The following WDR72 variants were observed in gnomAD, a reference collection of about 807,000 sequenced individuals.
WDR72 encodes the protein WD repeat domain 72.
In WDR72, 120 loss-of-function variants were observed where a neutral mutation model predicts 124.2. The ratio of observed to expected loss-of-function variants is 0.97; its 90% CI spans 0.83 to 1.12. WDR72 has a LOEUF of 1.12. WDR72 is among the 50% of genes most tolerant of loss of function. The probability of loss-of-function intolerance (pLI) is 0.00; values close to 1 mark genes in which losing one functional copy is unlikely to be tolerated. For missense variants in WDR72, 1,387 were observed against 1,278.8 expected (o/e 1.08, Z -1.29); for synonymous variants, 452 against 441.7 (o/e 1.02, Z -0.29).
At chr15:53,759,044 A>G (rs1478255549) in intron 1 of WDR72, among the ~76,000 whole-genome samples, 1 of 151,682 alleles carries the variant, frequency 6.6e-6, no homozygotes, top group Non-Finnish European at 1.5e-5. Context: ...TTTATTGCCG[A>G]CTCAGCCCAA....
chr15:53,680,542 G>A (rs751173582), intron 13 of WDR72, among the ~76,000 whole-genome samples: 3 of 152,146 alleles, frequency 2.0e-5, no homozygotes, highest in Non-Finnish European at 4.4e-5. Context: ...AGAAAAATGT[G>A]GTGACCAAAG....
Position 53,615,729 on chromosome 15 carries a change from C to T in WDR72, c.2477G>A (p.Gly826Asp). The change falls in exon 15 of 20, where the codon GGT becomes GAT. Residue 826 changes from glycine (G) to aspartate (D), a missense_variant. Physicochemically the swap from Gly to Asp is moderately conservative, Grantham distance 94. Transcript: ENST00000360509. The stretch of plus-strand genomic sequence containing the variant: ...CAAAGAAATTCCCAAAGAAATAGGA[C>T]CCTGAAGCTTTAAAATATTGAGGTG... ...IKHLNILKLQ[G>D]PISLGISLNE... 1 of 1,613,320 alleles carries T rather than the reference C, an allele frequency of 6.2e-7. No individual in the cohort carries two copies. The highest frequency in any genetic ancestry group is 8.5e-7 in the Non-Finnish European group (1 of 1,179,618).
chr15:53,575,801 C>T (rs997492180), intron 18 of WDR72, among the ~76,000 whole-genome samples: 15 of 152,104 alleles, frequency 9.9e-5, no homozygotes, highest in African/African-American at 3.6e-4. Context: ...ATTTTAACAG[C>T]TGCTGTCAAT....
chr15:53,682,377 CT>C (rs952338903), intron 13 of WDR72, among the ~76,000 whole-genome samples: 16 of 152,240 alleles, frequency 1.1e-4, no homozygotes, highest in African/African-American at 3.4e-4. Context: ...TACACTGGGT[CT>C]TGTCTCTACA....
intron 13 of WDR72, among the ~76,000 whole-genome samples, chr15:53,676,513 T>C (rs937255123): frequency 1.7e-4 from 26 of 152,200 alleles, no homozygotes; most frequent in Non-Finnish European, 3.2e-4. Flanking sequence ...CAGGAGGCCA[T>C]GAATAAAGGT....
intron 1 of WDR72, among the ~76,000 whole-genome samples, chr15:53,734,891 T>C (rs1217930665): frequency 1.3e-5 from 2 of 151,902 alleles, no homozygotes; most frequent in African/African-American, 4.8e-5. Context: ...ATAATACTTT[T>C]ATAATAATTA....
intron 14 of WDR72, among the ~76,000 whole-genome samples, chr15:53,662,338 T>C (rs993820999): frequency 1.3e-5 from 2 of 152,232 alleles, no homozygotes; most frequent in Non-Finnish European, 2.9e-5. Flanking sequence ...TGTTTTGTTG[T>C]ATTTGTTTTT....
intron 13 of WDR72, among the ~76,000 whole-genome samples, chr15:53,675,513 C>T (rs1485067127): frequency 6.6e-6 from 1 of 152,058 alleles, no homozygotes; most frequent in Non-Finnish European, 1.5e-5. Flanking sequence ...ATATACAAAA[C>T]TATAAAATTA....
chr15:53,694,203 T>C (rs2016931636), intron 13 of WDR72, among the ~76,000 whole-genome samples: 1 of 152,184 alleles, frequency 6.6e-6, no homozygotes, highest in Non-Finnish European at 1.5e-5. Context: ...CAGCTTTCCA[T>C]GGTCTGTGCA....
chr15:53,523,783 A>T (rs895148772), intron 18 of WDR72, among the ~76,000 whole-genome samples: 1 of 152,040 alleles, frequency 6.6e-6, no homozygotes, highest in Non-Finnish European at 1.5e-5. Context: ...GCTCTCTTTC[A>T]TTAAATTAAA....
intron 18 of WDR72, among the ~76,000 whole-genome samples, chr15:53,590,711 A>T (rs1159041158): frequency 6.6e-6 from 1 of 152,034 alleles, no homozygotes; most frequent in Admixed American, 6.6e-5. Flanking sequence ...GAAATAAGAC[A>T]TTGGACAAAT....
chr15:53,599,329 T>C (rs1024285082), intron 17 of WDR72, among the ~76,000 whole-genome samples: 1 of 152,120 alleles, frequency 6.6e-6, no homozygotes, highest in Non-Finnish European at 1.5e-5. Flanking sequence ...TTATTTGATA[T>C]CACTGGTTCC....
chr15:53,665,883 G>C, intron 13 of WDR72, 115 bp from the exon 14 acceptor site: 1 of 1,025,540 alleles, frequency 9.8e-7, no homozygotes, highest in Non-Finnish European at 1.5e-6. Flanking sequence ...TCGTGCCTTA[G>C]TATCTTGCAA....
rs779830813 is a variant in WDR72, at chr15:53,699,792, C to T, written c.1723G>A (p.Gly575Arg). ...ATATAAACTGAGTCATCTGCACATC[C>T]AACAATTAAAAAATTCTCAACCGGG... The part of the protein sequence containing the change: ...WHPVENFLIV[G>R]CADDSVYIWE... Residue 575 changes from glycine (G) to arginine (R), a missense_variant, in exon 13 of 20, where the codon GGA becomes AGA. Coordinates refer to ENST00000360509, the MANE Select transcript of WDR72 (RefSeq NM_182758.4). 1.9e-6 allele frequency: 3 copies of T among 1,614,130 alleles called. No homozygotes were observed. In the South Asian group the frequency reaches 3.3e-5, roughly 18 times the overall value.
intron 19 of WDR72, 98 bp from the exon 20 acceptor site, chr15:53,517,852 T>C (rs538924362): frequency 8.9e-6 from 10 of 1,125,186 alleles, no homozygotes; most frequent in African/African-American, 6.2e-5. Flanking sequence ...AAATGAAGAA[T>C]AGATACAGAA....
intron 11 of WDR72, among the ~76,000 whole-genome samples, 174 bp downstream of exon 11, chr15:53,704,814 T>G (rs1382097045): frequency 7.3e-5 from 4 of 55,154 alleles, no homozygotes; most frequent in Non-Finnish European, 1.5e-4. Flanking sequence ...TTACAGGGAG[T>G]TTAAAAAAAA....
At position 53,733,078 on chromosome 15, in the gene WDR72, C is replaced by T; in HGVS notation, c.72G>A (p.Met24Ile). 1 of 1,614,016 alleles carries T rather than the reference C, an allele frequency of 6.2e-7. No individual in the cohort carries two copies. Among genetic ancestry groups the T allele is most frequent in the Non-Finnish European group, 8.5e-7 (1 of 1,179,920 alleles). Reference sequence around the variant, plus strand: ...CAATCGTTCGCTGGTCATCAGTGATCATGATGGCAGTGATGCTGTGGGGAG... The same window carrying T: ...CAATCGTTCGCTGGTCATCAGTGATTATGATGGCAGTGATGCTGTGGGGAG... ...KAPPHSITAI[M>I]ITDDQRTIVT... Residue 24 changes from methionine to isoleucine, a missense_variant, in exon 2 of 20, where the codon ATG becomes ATA. Physicochemically the swap from Met to Ile is conservative, Grantham distance 10. Coordinates refer to ENST00000360509, the MANE Select transcript of WDR72 (RefSeq NM_182758.4).
chr15:53,704,888 C>T (rs1025000524), intron 11 of WDR72, 100 bp downstream of exon 11: 15 of 1,370,000 alleles, frequency 1.1e-5, no homozygotes, highest in Non-Finnish European at 1.5e-5. Context: ...TCAGCAAATG[C>T]CAGCAAATTA....
intron 18 of WDR72, among the ~76,000 whole-genome samples, chr15:53,576,322 A>AC (rs1032353764): frequency 4.6e-5 from 7 of 152,054 alleles, no homozygotes; most frequent in African/African-American, 7.2e-5. Flanking sequence ...TCTTTCACAG[A>AC]CCCCTCAGAC....
Sources: gnomAD v4.1 joint callset for allele counts (sites outside exome capture counted in the v4.1 genomes callset) on GRCh38, gnomAD v4.1.1 for gene constraint, MANE v1.5 for transcripts, NCBI Gene and HGNC (gene_info 2026-07-23, HGNC 2026-07-21) for gene names.